Variants in DMD observed in about 807,000 individuals in gnomAD.
The protein encoded by DMD is dystrophin, also known as mutant dystrophin.
Under a neutral mutation model 330.1 loss-of-function variants are expected in DMD, and 63 were observed. The observed-to-expected ratio is 0.19, with a 90% CI of 0.16 to 0.24. The LOEUF (loss-of-function observed/expected upper bound fraction) is 0.24. DMD is among the 10% of genes least tolerant of loss of function. DMD has a pLI of 1.00. For missense variants in DMD, 3,344 were observed against 2,684.1 expected (o/e 1.25, Z -5.43); for synonymous variants, 1,223 against 959.8 (o/e 1.27, Z -5.07).
intron 17 of DMD, among the ~76,000 whole-genome samples, chrX:32,536,654 A>G (rs1244186693): frequency 8.9e-6 from 1 of 112,271 alleles, no homozygotes; most frequent in Non-Finnish European, 1.9e-5. Flanking sequence ...AACTTTCTTG[A>G]CAAAGGAAGG....
chrX:32,863,121 T>C (rs976363600), intron 2 of DMD, among the ~76,000 whole-genome samples: 4 of 111,264 alleles, frequency 3.6e-5, no homozygotes, highest in Non-Finnish European at 7.5e-5. Context: ...CTAATTACAA[T>C]CTATCCCAAT....
chrX:31,576,086 G>A (rs947207133), intron 55 of DMD, among the ~76,000 whole-genome samples: 2 of 111,592 alleles, frequency 1.8e-5, no homozygotes, highest in Non-Finnish European at 3.8e-5. Context: ...GACTTCTCAC[G>A]CACCTTTTAC....
intron 1 of DMD, among the ~76,000 whole-genome samples, chrX:33,206,701 T>C (rs1401049286): frequency 9.0e-6 from 1 of 111,180 alleles, no homozygotes; most frequent in Non-Finnish European, 1.9e-5. Flanking sequence ...GAACGAGTGA[T>C]ATCAGATTAA....
At chrX:31,694,493 T>G (rs2083313604) in intron 52 of DMD, among the ~76,000 whole-genome samples, 1 of 107,005 alleles carries the variant, frequency 9.3e-6, no homozygotes, top group Admixed American at 1.0e-4. Context: ...AATCATACAT[T>G]AGATAAGGTG....
At chrX:31,663,039 T>C (rs1188875397) in intron 53 of DMD, among the ~76,000 whole-genome samples, 2 of 111,322 alleles carry the variant, frequency 1.8e-5, no homozygotes, top group African/African-American at 6.5e-5. Context: ...CTAACTCCCA[T>C]AGGAGGTCAG....
At chrX:32,077,249 G>T (rs906173243) in intron 44 of DMD, among the ~76,000 whole-genome samples, 2 of 110,702 alleles carry the variant, frequency 1.8e-5, no homozygotes, top group Non-Finnish European at 3.8e-5. Context: ...TTCAGTTTGT[G>T]CAAATTCATC....
At chrX:31,986,196 G>T (rs1192059447) in intron 44 of DMD, among the ~76,000 whole-genome samples, 2 of 110,639 alleles carry the variant, frequency 1.8e-5, no homozygotes, top group Non-Finnish European at 3.8e-5. Context: ...AATCACATCT[G>T]GGAGTTTACT....
chrX:32,412,645 G>T (rs987112408), intron 29 of DMD, among the ~76,000 whole-genome samples: 1 of 111,505 alleles, frequency 9.0e-6, no homozygotes, highest in Non-Finnish European at 1.9e-5. Context: ...AGATTGGAAA[G>T]TCTCCCTTCA....
chrX:31,136,982 T>C (rs2035320903), intron 76 of DMD, among the ~76,000 whole-genome samples: 1 of 112,175 alleles, frequency 8.9e-6, no homozygotes, highest in African/African-American at 3.2e-5. Context: ...CATATTTTCA[T>C]GATTTCTCAA....
intron 61 of DMD, among the ~76,000 whole-genome samples, chrX:31,346,814 T>C (rs937258137): frequency 6.6e-4 from 71 of 106,993 alleles, no homozygotes; most frequent in African/African-American, 2.4e-3. Flanking sequence ...GCCTGACCAA[T>C]GTGGTGAAGC....
intron 44 of DMD, among the ~76,000 whole-genome samples, chrX:32,112,094 C>T (rs753831511): frequency 2.7e-5 from 3 of 111,378 alleles, no homozygotes; most frequent in Admixed American, 9.5e-5. Context: ...AAGTGTACTA[C>T]GCCCTGAAGT....
intron 43 of DMD, among the ~76,000 whole-genome samples, chrX:32,266,248 A>G (rs1005650077): frequency 9.0e-6 from 1 of 111,270 alleles, no homozygotes; most frequent in Non-Finnish European, 1.9e-5. Flanking sequence ...TTCTGCCACC[A>G]TATGAAGAAG....
intron 44 of DMD, among the ~76,000 whole-genome samples, chrX:32,179,264 A>G (rs1210794536): frequency 9.0e-6 from 1 of 111,252 alleles, no homozygotes; most frequent in African/African-American, 3.3e-5. Context: ...TAGGTATCAG[A>G]ATTTTCTTTT....
chrX:31,397,622 CA>C (rs2061001131), intron 60 of DMD, among the ~76,000 whole-genome samples: 1 of 112,260 alleles, frequency 8.9e-6, no homozygotes, highest in Admixed American at 9.4e-5. Context: ...AGGCAAAATG[CA>C]AATGTGTTTC....
intron 29 of DMD, among the ~76,000 whole-genome samples, chrX:32,431,083 T>A (rs2098236356): frequency 9.0e-6 from 1 of 111,662 alleles, no homozygotes; most frequent in Non-Finnish European, 1.9e-5. Flanking sequence ...TCCCTAGAAG[T>A]GGAATTGCTG....
chrX:32,351,113 TAATAAAAGCTTAA>T (rs2097780331), intron 37 of DMD, among the ~76,000 whole-genome samples: 1 of 110,638 alleles, frequency 9.0e-6, no homozygotes, highest in South Asian at 3.8e-4. Flanking sequence ...GTCTGGTATA[TAATAAAAGCTTAA>T]TAAATGTTGA....
intron 2 of DMD, among the ~76,000 whole-genome samples, chrX:32,856,014 G>T (rs1171802433): frequency 8.9e-6 from 1 of 111,951 alleles, no homozygotes; most frequent in African/African-American, 3.2e-5. Context: ...AATTTGAATA[G>T]AGATTTCTCA....
rs756250273 is a variant in DMD at position 33,158,344 on chromosome X, T to A, written c.31+52938A>T. 2.7e-5 allele frequency among the ~76,000 whole-genome samples: 3 copies of A among 111,465 alleles called. No individual in the cohort carries two copies. In the East Asian group the frequency reaches 8.6e-4, roughly 32 times the overall value. ...GAGTGTCTTAAATGAGAGAAGCCCA[T>A]GGTGGCCAGCTTCATCAGAAACCTA... is the stretch of plus-strand genomic sequence containing the variant. On this transcript the variant is annotated intron_variant, in intron 1 of 78. Transcript: ENST00000357033.
At chrX:31,667,804 C>T (rs1011704229) in intron 53 of DMD, among the ~76,000 whole-genome samples, 13 of 110,952 alleles carry the variant, frequency 1.2e-4, no homozygotes, top group Middle Eastern at 4.7e-3. Flanking sequence ...CTACTGTGTA[C>T]CCACAAAAAT....
Sources: gnomAD v4.1 joint callset for allele counts (sites outside exome capture counted in the v4.1 genomes callset) on GRCh38, gnomAD v4.1.1 for gene constraint, MANE v1.5 for transcripts, NCBI Gene and HGNC (gene_info 2026-07-23, HGNC 2026-07-21) for gene names.